The following MYRFL variants were observed in gnomAD, a reference collection of about 807,000 sequenced individuals.
MYRFL encodes the protein myelin regulatory factor like, also known as myelin regulatory factor-like protein.
MYRFL carries 88 observed loss-of-function variants against 109.4 expected under a neutral mutation model. The ratio of observed to expected loss-of-function variants is 0.80; its 90% confidence interval spans 0.68 to 0.96. The LOEUF (loss-of-function observed/expected upper bound fraction) is 0.96. Ranked by LOEUF, MYRFL falls within the 40% of genes least tolerant of loss-of-function variation. The pLI, the probability that MYRFL is intolerant of heterozygous loss-of-function variation, is 0.00. For synonymous variants in MYRFL, 324 were observed against 320.9 expected (o/e 1.01, Z -0.10); for missense variants, 957 against 954.9 (o/e 1.00, Z -0.03).
At chr12:69,873,409 C>CT (rs1885474014) in intron 2 of MYRFL, among the ~76,000 whole-genome samples, 1 of 152,098 alleles carries the variant, frequency 6.6e-6, no homozygotes, top group East Asian at 1.9e-4. Context: ...TTTTTCTTTC[C>CT]TTACTATGTC....
chr12:69,889,535 C>A (rs964418395), intron 6 of MYRFL, among the ~76,000 whole-genome samples: 3 of 152,040 alleles, frequency 2.0e-5, no homozygotes, highest in Admixed American at 1.3e-4. Flanking sequence ...GTGAGCATTT[C>A]TTTTGAGCAT....
intron 10 of MYRFL, among the ~76,000 whole-genome samples, chr12:69,898,993 G>A (rs10879047): frequency 0.32 from 48,434 of 152,030 alleles, 8,012 homozygotes; most frequent in African/African-American, 0.36. Flanking sequence ...TCCATGATTC[G>A]TATTCGGTGT....
In MYRFL at chr12:69,898,496, A is replaced by T. The variant is rs1592782862; in HGVS notation, c.1182+1250A>T. ...CTCTCCTTGCGTCATAAGCCAATACAGAGGTGCCTGTCCATCCCTCTGCAG... is the reference window on the plus strand; with the variant it reads ...CTCTCCTTGCGTCATAAGCCAATACTGAGGTGCCTGTCCATCCCTCTGCAG... On this transcript the variant is annotated intron_variant, in intron 10 of 24. Coordinates refer to ENST00000552032, the MANE Select transcript of MYRFL (RefSeq NM_182530.3). Among the ~76,000 whole-genome samples, 5 of 152,214 alleles carry T rather than the reference A, an allele frequency of 3.3e-5. No individual in the cohort carries two copies. In the East Asian group the frequency reaches 9.6e-4, roughly 29 times the overall value.
chr12:69,862,334 T>C lies in MYRFL; in HGVS notation c.137+6964T>C, dbSNP rs1375879930. 2.6e-5 allele frequency among the ~76,000 whole-genome samples: 4 copies of C among 152,074 alleles called. No homozygotes were observed. The East Asian group carries it at 7.7e-4, about 29-fold the overall frequency. Reference sequence around the variant, plus strand: ...GATGGCATTGAATCTATAAATTACCTTGGGCAGTATGGCCATTTTCACAAT... The same window carrying C: ...GATGGCATTGAATCTATAAATTACCCTGGGCAGTATGGCCATTTTCACAAT... On this transcript the variant is annotated intron_variant, in intron 2 of 24. Coordinates refer to ENST00000552032, the MANE Select transcript of MYRFL (RefSeq NM_182530.3).
intron 1 of MYRFL, among the ~76,000 whole-genome samples, chr12:69,829,197 A>G (rs546506349): frequency 3.3e-5 from 5 of 152,210 alleles, no homozygotes; most frequent in African/African-American, 1.2e-4. Context: ...ATGAGGAAGA[A>G]TAGTCTGTTC....
chr12:69,909,840 C>A, intron 11 of MYRFL, 129 bp from the exon 12 acceptor site: 1 of 692,456 alleles, frequency 1.4e-6, no homozygotes, highest in Non-Finnish European at 2.3e-6. Context: ...GGCTTGGAAT[C>A]CACTTGAAGA....
chr12:69,899,208 T>A (rs1417195544), intron 10 of MYRFL, among the ~76,000 whole-genome samples: 1 of 150,706 alleles, frequency 6.6e-6, no homozygotes, highest in South Asian at 2.1e-4. Flanking sequence ...ATTACTAACA[T>A]CAACCATTCA....
chr12:69,882,978 TTACCC>T (rs1337222161), intron 5 of MYRFL, among the ~76,000 whole-genome samples: 2 of 152,216 alleles, frequency 1.3e-5, no homozygotes, highest in Non-Finnish European at 2.9e-5. Context: ...AATTTTGACT[TTACCC>T]ATCTCTAAGA....
rs1956151872 is a variant in MYRFL at position 69,958,742 on chromosome 12, TTTTGCCATGACTA to T, written c.*213_*225del. On this transcript the variant is annotated 3_prime_UTR_variant, in exon 25 of 25. Coordinates refer to ENST00000552032, the MANE Select transcript of MYRFL (RefSeq NM_182530.3). ...AAACTTGAAATAATGTGATGTTTGA[TTTTGCCATGACTA>T]TGAAGAAAACATTTCCTGGAGCAAA... is the stretch of plus-strand genomic sequence containing the variant. 2 of 508,044 alleles carry T rather than the reference TTTTGCCATGACTA, an allele frequency of 3.9e-6. No individual in the cohort carries two copies. Among genetic ancestry groups the T allele is most frequent in the Non-Finnish European group, 6.9e-6 (2 of 290,392 alleles). The allele number at this position is 508,044 out of a possible 1,614,324, so 31.5% of individuals were successfully genotyped here.
rs147596058 is a variant in MYRFL, at chr12:69,931,268, C to T, written c.1831-1245C>T. Among the ~76,000 whole-genome samples, 859 of 152,242 alleles carry T rather than the reference C, an allele frequency of 5.6e-3. 6 individuals carry two copies. Among genetic ancestry groups the T allele is most frequent in the African/African-American group, 0.016 (681 of 41,530 alleles). On this transcript the variant is annotated intron_variant, in intron 15 of 24. Transcript: ENST00000552032. The stretch of plus-strand genomic sequence containing the variant: ...TAATCCTATTTAATTCCAGTCAATT[C>T]AACAAATTTCATTGAGTTTCTTCTC...
intron 1 of MYRFL, among the ~76,000 whole-genome samples, chr12:69,849,658 T>A (rs1476398486): frequency 6.6e-6 from 1 of 152,224 alleles, no homozygotes; most frequent in East Asian, 1.9e-4. Context: ...TATGGTGAAA[T>A]TTTTCTCTGT....
At position 69,939,084 on chromosome 12, in the gene MYRFL, T is replaced by A. The variant is rs569336507; in HGVS notation, c.2224+2452T>A. 2.1e-3 allele frequency among the ~76,000 whole-genome samples: 324 copies of A among 151,998 alleles called. 3 individuals are homozygous for A. The highest frequency in any genetic ancestry group is 7.3e-3 in the African/African-American group (303 of 41,476). ...TGATTGCTAGCACAGCAGTCTGAGA[T>A]CAAACTGCAAGGCGGCAGCGAGGCT... On this transcript the variant is annotated intron_variant, in intron 19 of 24. Coordinates refer to ENST00000552032, the MANE Select transcript of MYRFL (RefSeq NM_182530.3).
intron 7 of MYRFL, 96 bp from the exon 8 acceptor site, chr12:69,893,668 G>T: frequency 1.6e-6 from 1 of 616,790 alleles, no homozygotes; most frequent in South Asian, 4.0e-5. Context: ...TGCCTAGGAT[G>T]ATGCCTTGAA....
chr12:69,948,409 A>G (rs1265252859), intron 19 of MYRFL, among the ~76,000 whole-genome samples: 1 of 152,150 alleles, frequency 6.6e-6, no homozygotes, highest in African/African-American at 2.4e-5. Flanking sequence ...GGACCTGAAA[A>G]CACAGTTCTG....
chr12:69,832,687 G>T (rs1882703477), intron 1 of MYRFL, among the ~76,000 whole-genome samples: 1 of 152,104 alleles, frequency 6.6e-6, no homozygotes, highest in Admixed American at 6.6e-5. Flanking sequence ...TTGGGAGAGG[G>T]GTAGGAAAGG....
chr12:69,854,503 C>T (rs1359636292), intron 1 of MYRFL, among the ~76,000 whole-genome samples: 1 of 152,138 alleles, frequency 6.6e-6, no homozygotes, highest in Non-Finnish European at 1.5e-5. Flanking sequence ...CCTGCCTCAG[C>T]CTCCTGAGTA....
intron 13 of MYRFL, among the ~76,000 whole-genome samples, chr12:69,913,315 A>C (rs576634144): frequency 6.6e-6 from 1 of 152,276 alleles, no homozygotes; most frequent in African/African-American, 2.4e-5. Flanking sequence ...AATGATATCC[A>C]GTTTATCTAT....
rs1213264877 is a variant in MYRFL, at chr12:69,937,970, T to TTTA, written c.2224+1343_2224+1345dup. 2.7e-5 allele frequency among the ~76,000 whole-genome samples: 4 copies of TTTA among 150,542 alleles called. No homozygotes were observed. In the East Asian group the frequency reaches 7.7e-4, roughly 29 times the overall value. On this transcript the variant is annotated intron_variant, in intron 19 of 24. Transcript: ENST00000552032. ...TTCACAAGCCTACAAACGAGGTGCT[T>TTTA]TTATTATCCCAATTTTTTTTTCCAG...
intron 9 of MYRFL, 124 bp from the exon 10 acceptor site, chr12:69,897,032 G>A: frequency 2.9e-6 from 2 of 700,544 alleles, no homozygotes; most frequent in South Asian, 3.3e-5. Flanking sequence ...GGAAAAGGCA[G>A]TCTTTAAATA....
Sources: allele counts gnomAD v4.1 joint callset (sites outside exome capture counted in the v4.1 genomes callset), GRCh38; gene constraint gnomAD v4.1.1; transcripts MANE v1.5; gene names NCBI Gene and HGNC (gene_info 2026-07-23, HGNC 2026-07-21).